MSRA: variants seen among roughly 807,000 people sequenced by gnomAD.
MSRA encodes the protein mitochondrial peptide methionine sulfoxide reductase.
In MSRA, 54 loss-of-function variants were observed where a neutral mutation model predicts 31.3. The ratio of observed to expected loss-of-function variants is 1.73; its 90% CI spans 1.39 to 2.17. The LOEUF (loss-of-function observed/expected upper bound fraction) is 2.17, where lower values mean the gene tolerates loss of function less well. MSRA is among the 30% of genes most tolerant of loss of function. MSRA has a pLI of 0.00. For synonymous variants in MSRA, 169 were observed against 116.5 expected (o/e 1.45, Z -2.90); for missense variants, 507 against 300.9 (o/e 1.69, Z -5.07).
At chr8:10,069,288 G>C (rs930423919) in intron 1 of MSRA, among the ~76,000 whole-genome samples, 3 of 152,138 alleles carry the variant, frequency 2.0e-5, no homozygotes, top group Non-Finnish European at 4.4e-5. Context: ...AGGACTTCTA[G>C]TATGATGCTG....
chr8:10,138,477 C>A (rs1235756189), intron 1 of MSRA, among the ~76,000 whole-genome samples: 1 of 152,188 alleles, frequency 6.6e-6, no homozygotes, highest in Non-Finnish European at 1.5e-5. Context: ...AAAATACATT[C>A]TTTGTTCCTT....
At chr8:10,332,306 T>TCA (rs1802748585) in intron 5 of MSRA, among the ~76,000 whole-genome samples, 1 of 152,222 alleles carries the variant, frequency 6.6e-6, no homozygotes, top group Non-Finnish European at 1.5e-5. Flanking sequence ...TCAGTTGATA[T>TCA]GTTATGGTTT....
intron 5 of MSRA, among the ~76,000 whole-genome samples, chr8:10,346,945 G>T (rs996957805): frequency 1.3e-5 from 2 of 152,160 alleles, no homozygotes; most frequent in African/African-American, 4.8e-5. Context: ...GTGTCCATTT[G>T]TATCTTCAGC....
intron 1 of MSRA, among the ~76,000 whole-genome samples, chr8:10,134,686 A>C (rs1802143187): frequency 6.6e-6 from 1 of 152,224 alleles, no homozygotes; most frequent in South Asian, 2.1e-4. Flanking sequence ...TGGTGACAGG[A>C]AACAGTCCGA....
At chr8:10,273,330 A>G (rs1799143309) in intron 3 of MSRA, among the ~76,000 whole-genome samples, 1 of 152,190 alleles carries the variant, frequency 6.6e-6, no homozygotes. Flanking sequence ...TTGAAATAAC[A>G]CATTTATACC....
intron 3 of MSRA, among the ~76,000 whole-genome samples, chr8:10,265,190 T>A (rs1322180174): frequency 6.6e-6 from 1 of 152,202 alleles, no homozygotes; most frequent in Admixed American, 6.5e-5. Flanking sequence ...GATGCTAATA[T>A]GCTCTGCAGC....
intron 5 of MSRA, among the ~76,000 whole-genome samples, chr8:10,419,243 G>A (rs1003638508): frequency 9.9e-5 from 15 of 152,148 alleles, no homozygotes; most frequent in Non-Finnish European, 1.9e-4. Context: ...CATCCTGGGG[G>A]CTTCCTTATC....
intron 5 of MSRA, among the ~76,000 whole-genome samples, chr8:10,339,569 T>C (rs766269308): frequency 8.3e-6 from 1 of 120,330 alleles, no homozygotes; most frequent in South Asian, 2.9e-4. Flanking sequence ...TGAGACGGAA[T>C]CTCGTTCTGT....
intron 5 of MSRA, among the ~76,000 whole-genome samples, chr8:10,404,478 G>A (rs1384782163): frequency 6.6e-6 from 1 of 152,258 alleles, no homozygotes; most frequent in Non-Finnish European, 1.5e-5. Context: ...TGGCTTCAAA[G>A]TGAACAGTTG....
At chr8:10,094,002 G>T (rs897931576) in intron 1 of MSRA, among the ~76,000 whole-genome samples, 1 of 152,120 alleles carries the variant, frequency 6.6e-6, no homozygotes, top group African/African-American at 2.4e-5. Context: ...TTCCTTGCAC[G>T]TGATGAGTCG....
chr8:10,226,687 A>G (rs540064044), intron 2 of MSRA, among the ~76,000 whole-genome samples: 22 of 152,330 alleles, frequency 1.4e-4, no homozygotes, highest in Non-Finnish European at 2.8e-4. Context: ...ATATGTGTGC[A>G]TATATGAGTA....
In MSRA at chr8:10,332,102, A is replaced by C. The variant is rs796384823; in HGVS notation, c.543+12113A>C. Among the ~76,000 whole-genome samples the C allele has an allele frequency of 2.2e-4, 33 of 152,276 alleles. 1 individual carries two copies. The highest frequency in any genetic ancestry group is 7.0e-4 in the African/African-American group (29 of 41,560). On this transcript the variant is annotated intron_variant, in intron 5 of 5. Transcript: ENST00000317173. The stretch of plus-strand genomic sequence containing the variant: ...TTCCTTTCTGTCATGAATTGAGAAA[A>C]TGTCATGGTTATCTGTTTCTTTGTT...
intron 3 of MSRA, among the ~76,000 whole-genome samples, chr8:10,269,783 C>G (rs866858501): frequency 4.6e-5 from 7 of 152,242 alleles, no homozygotes; most frequent in Admixed American, 3.3e-4. Context: ...TCCTGAGTAG[C>G]TGGGACCACA....
chr8:10,264,072 A>G (rs1390313631), intron 3 of MSRA, among the ~76,000 whole-genome samples: 1 of 152,160 alleles, frequency 6.6e-6, no homozygotes, highest in Non-Finnish European at 1.5e-5. Context: ...CTAATGATTT[A>G]TTTCAACAGA....
At chr8:10,253,584 T>G (rs1349535365) in intron 3 of MSRA, among the ~76,000 whole-genome samples, 1 of 152,260 alleles carries the variant, frequency 6.6e-6, no homozygotes, top group African/African-American at 2.4e-5. Flanking sequence ...TTCATTGTTT[T>G]AGGATTATAT....
chr8:10,083,989 C>A (rs954535418), intron 1 of MSRA, among the ~76,000 whole-genome samples: 3 of 152,194 alleles, frequency 2.0e-5, no homozygotes, highest in African/African-American at 7.2e-5. Context: ...AATCCATTTA[C>A]AAATAAAATT....
intron 3 of MSRA, among the ~76,000 whole-genome samples, chr8:10,248,085 T>C (rs915013509): frequency 9.2e-5 from 14 of 151,898 alleles, no homozygotes; most frequent in South Asian, 2.1e-4. Context: ...AGAAGGAAAA[T>C]AAACAAACAA....
At position 10,061,223 on chromosome 8, in the gene MSRA, G is replaced by A. The variant is rs142916970; in HGVS notation, c.142+6565G>A. The stretch of plus-strand genomic sequence containing the variant: ...TAATGTGTTTCACTTTTCTGCCTCT[G>A]TATTGCTCACACGACCATACCCATA... On this transcript the variant is annotated intron_variant, in intron 1 of 5. Transcript: ENST00000317173. Among the ~76,000 whole-genome samples, 220 of 152,228 alleles carry A rather than the reference G, an allele frequency of 1.4e-3. 1 individual carries two copies. The highest frequency in any genetic ancestry group is 4.8e-3 in the African/African-American group (200 of 41,536).
intron 1 of MSRA, among the ~76,000 whole-genome samples, chr8:10,151,698 G>C (rs1803695622): frequency 2.0e-5 from 3 of 152,136 alleles, no homozygotes; most frequent in Admixed American, 2.0e-4. Flanking sequence ...AAAGGGCGTT[G>C]AGTGCTTGGG....
Sources: gnomAD v4.1 joint callset for allele counts (sites outside exome capture counted in the v4.1 genomes callset) on GRCh38, gnomAD v4.1.1 for gene constraint, MANE v1.5 for transcripts, NCBI Gene and HGNC (gene_info 2026-07-23, HGNC 2026-07-21) for gene names.